The following EPHA7 variants were observed in gnomAD, a reference collection of about 807,000 sequenced individuals.
EPHA7 encodes EPH receptor A7.
Under a neutral mutation model 112.6 loss-of-function variants are expected in EPHA7, and 25 were observed. That is an observed-to-expected ratio of 0.22 (90% CI 0.16 to 0.31). The LOEUF (loss-of-function observed/expected upper bound fraction) is 0.31, where lower values mean the gene tolerates loss of function less well. Ranked by LOEUF, EPHA7 falls within the 10% of genes least tolerant of loss-of-function variation. The pLI is 1.00. For missense variants in EPHA7, 962 were observed against 1,212.6 expected, an observed-to-expected ratio of 0.79 and a Z score of 3.07; for synonymous variants, 437 against 406.5, an observed-to-expected ratio of 1.07 and a Z score of -0.90.
intron 3 of EPHA7, among the ~76,000 whole-genome samples, chr6:93,406,795 A>C (rs1778743477): frequency 6.6e-6 from 1 of 151,864 alleles, no homozygotes; most frequent in Admixed American, 6.6e-5. Flanking sequence ...AGTTACAAAA[A>C]TTGAAATATA....
At position 93,243,444 on chromosome 6, in the gene EPHA7, T is replaced by A; in HGVS notation, c.2979A>T (p.Gly993=). The change falls in exon 17 of 17, where the codon GGA becomes GGT. Residue 993 remains glycine, a synonymous_variant. Coordinates refer to ENST00000369303, the MANE Select transcript of EPHA7 (RefSeq NM_004440.4). ...ATGCATATCACACTTGAATGCCAGT[T>A]CCATGTAAATGTAGCATTTGTGCTC... The part of the protein sequence containing the change: ...TMRAQMLHLH[G]TGIQV 1 of 1,613,232 alleles carries A rather than the reference T, an allele frequency of 6.2e-7. No individual in the cohort carries two copies. The highest frequency in any genetic ancestry group is 8.5e-7 in the Non-Finnish European group (1 of 1,179,336).
chr6:93,409,855 A>T (rs1778890105), intron 3 of EPHA7: 1 of 151,488 alleles, frequency 6.6e-6, no homozygotes, highest in Non-Finnish European at 1.5e-5. Flanking sequence ...TAATAATTAA[A>T]ACTTTACTTT....
At chr6:93,366,696 G>C (rs142723671) in intron 3 of EPHA7, among the ~76,000 whole-genome samples, 2,387 of 152,158 alleles carry the variant, frequency 0.016, 31 homozygotes, top group South Asian at 0.03. Flanking sequence ...TCTGCCAACC[G>C]GTTTACCTCT....
rs145247136 is a variant in EPHA7 at position 93,356,958 on chromosome 6, G to C, written c.1083C>G (p.Asn361Lys). 1,034 of 1,614,084 alleles carry C rather than the reference G, an allele frequency of 6.4e-4. 1 individual carries two copies. The highest frequency in any genetic ancestry group is 1.3e-3 in the South Asian group (121 of 91,086). Reference protein sequence around the residue: ...WSPPADNGGRNDVTYRILCKR... With the variant: ...WSPPADNGGRKDVTYRILCKR... ...TACACAATATTCTGTAGGTCACATC[G>C]TTTCTTCCCCCATTGTCTGCAGGAG... Residue 361 changes from asparagine to lysine, a missense_variant, in exon 5 of 17, where the codon AAC (asparagine) becomes AAG (lysine). By Grantham distance (94) the Asn-to-Lys change is moderately conservative (BLOSUM62 0). Around this residue, in one of 3 missense-constraint regions of EPHA7, gnomAD observed 746 missense variants for 889.2 expected, o/e 0.84. Coordinates refer to ENST00000369303, the MANE Select transcript of EPHA7 (RefSeq NM_004440.4).
At chr6:93,298,309 C>CTT (rs1772780017) in intron 5 of EPHA7, among the ~76,000 whole-genome samples, 1 of 151,956 alleles carries the variant, frequency 6.6e-6, no homozygotes, top group Non-Finnish European at 1.5e-5. Context: ...TAAATTTTAA[C>CTT]ATAAAATTTA....
chr6:93,407,964 A>C (rs1270212156), intron 3 of EPHA7, among the ~76,000 whole-genome samples: 1 of 151,972 alleles, frequency 6.6e-6, no homozygotes, highest in Non-Finnish European at 1.5e-5. Flanking sequence ...TAGAAGCATA[A>C]AACTCAAACA....
At position 93,410,441 on chromosome 6, in the gene EPHA7, A is replaced by G. The variant is rs1778920030; in HGVS notation, c.832+60T>C. 6.9e-7 allele frequency: 1 copy of G among 1,451,972 alleles called. No individual in the cohort carries two copies. The highest frequency in any genetic ancestry group is 1.3e-5 in the South Asian group (1 of 77,146). 89.9% of individuals were successfully genotyped at this position (1,451,972 alleles called of 1,614,324 possible). A position where few individuals can be genotyped will look rare whatever the true frequency, so the allele number is the denominator to read the frequency against. ...TATTCAAATAACTATTAAAGTTTAA[A>G]ATGTCTGATACTGAAATTTAAAAAG... On this transcript the variant is annotated intron_variant, in intron 3 of 16. Coordinates refer to ENST00000369303, the MANE Select transcript of EPHA7 (RefSeq NM_004440.4). This position sits in a 1 kb window ranked among gnomAD's most constrained non-coding sequence, Gnocchi z 4.0.
At chr6:93,387,335 TC>T (rs943875928) in intron 3 of EPHA7, among the ~76,000 whole-genome samples, 8 of 152,230 alleles carry the variant, frequency 5.3e-5, no homozygotes, top group Admixed American at 3.9e-4. Flanking sequence ...CTCATCTCCA[TC>T]TGAGACCACC....
chr6:93,318,972 T>A (rs999426112), intron 5 of EPHA7, among the ~76,000 whole-genome samples: 3 of 152,130 alleles, frequency 2.0e-5, no homozygotes, highest in Non-Finnish European at 4.4e-5. Context: ...TGATATGCAT[T>A]CAATAATTTA....
chr6:93,308,196 T>G (rs2127859866), intron 5 of EPHA7, among the ~76,000 whole-genome samples: 1 of 152,298 alleles, frequency 6.6e-6, no homozygotes. Flanking sequence ...GCTTACATGA[T>G]AATTCAAACT....
At chr6:93,378,802 T>C (rs80009748) in intron 3 of EPHA7, among the ~76,000 whole-genome samples, 11,762 of 152,164 alleles carry the variant, frequency 0.077, 545 homozygotes, top group South Asian at 0.15. Flanking sequence ...CATTTCTGAA[T>C]CCATTTCTGT....
chr6:93,368,118 A>T (rs780542119), intron 3 of EPHA7, among the ~76,000 whole-genome samples: 18 of 152,172 alleles, frequency 1.2e-4, no homozygotes, highest in Non-Finnish European at 2.4e-4. Flanking sequence ...ACACTACATT[A>T]TCCTTTTGAC....
intron 5 of EPHA7, among the ~76,000 whole-genome samples, chr6:93,328,704 C>T (rs1774443422): frequency 6.6e-6 from 1 of 151,270 alleles, no homozygotes; most frequent in South Asian, 2.1e-4. Context: ...ACTATTCAAT[C>T]TGGGTAATAA....
rs371052750 is a variant in EPHA7, at chr6:93,405,783, A to ATGTGTG, written c.832+4712_832+4717dup. Among the ~76,000 whole-genome samples, 24 of 95,284 alleles carry ATGTGTG rather than the reference A, an allele frequency of 2.5e-4. 1 individual carries two copies. The East Asian group carries it at 2.6e-3, about 10-fold the overall frequency. The allele number at this position is 95,284 out of a possible 152,430, so 62.5% of individuals were successfully genotyped here. Reference sequence around the variant, plus strand: ...TGGTGTTTCTTATATTTCTGTATATATGTGTGTGTGTGTGTGTGTGTGTGT... The same window carrying ATGTGTG: ...TGGTGTTTCTTATATTTCTGTATATATGTGTGTGTGTGTGTGTGTGTGTGTGTGTGT... On this transcript the variant is annotated intron_variant, in intron 3 of 16. Coordinates refer to ENST00000369303, the MANE Select transcript of EPHA7 (RefSeq NM_004440.4).
chr6:93,404,632 T>C (rs998747804), intron 3 of EPHA7, among the ~76,000 whole-genome samples: 1 of 148,588 alleles, frequency 6.7e-6, no homozygotes, highest in Non-Finnish European at 1.5e-5. Context: ...TATATATATA[T>C]ATATACACAC....
chr6:93,384,653 C>A (rs898987004), intron 3 of EPHA7, among the ~76,000 whole-genome samples: 1 of 152,164 alleles, frequency 6.6e-6, no homozygotes, highest in South Asian at 2.1e-4. Context: ...CACAGGATCG[C>A]ACATTTGTCT....
chr6:93,343,012 T>TA (rs1775217530), intron 5 of EPHA7, among the ~76,000 whole-genome samples: 1 of 151,712 alleles, frequency 6.6e-6, no homozygotes, highest in South Asian at 2.1e-4. Context: ...GAAGAAATAA[T>TA]AATAACCTAA....
intron 3 of EPHA7, among the ~76,000 whole-genome samples, chr6:93,387,801 A>G (rs1777688819): frequency 6.6e-6 from 1 of 152,078 alleles, no homozygotes; most frequent in African/African-American, 2.4e-5. Context: ...CAAGAACAGC[A>G]TGGGGTAATC....
Position 93,419,407 on chromosome 6 carries a change from G to A in EPHA7, c.-66C>T. The A allele has an allele frequency of 1.5e-6, 2 of 1,333,192 alleles. No individual in the cohort carries two copies. The highest frequency in any genetic ancestry group is 2.4e-5 in the South Asian group (2 of 82,208). 82.6% of individuals were successfully genotyped at this position (1,333,192 alleles called of 1,614,324 possible). A position where few individuals can be genotyped will look rare whatever the true frequency, so the allele number is the denominator to read the frequency against. ...AGTCGTGGATTTTTAAATGCTGTTTGTTCCGAAGTAGCTTTTGTTTTATTG... is the reference window on the plus strand; with the variant it reads ...AGTCGTGGATTTTTAAATGCTGTTTATTCCGAAGTAGCTTTTGTTTTATTG... On this transcript the variant is annotated 5_prime_UTR_variant, in exon 1 of 17. Transcript: ENST00000369303.
Sources: allele counts gnomAD v4.1 joint callset (sites outside exome capture counted in the v4.1 genomes callset), GRCh38; gene constraint gnomAD v4.1.1; regional missense constraint gnomAD v4.1.1; non-coding constraint Gnocchi (gnomAD v3.1); transcripts MANE v1.5; gene names NCBI Gene and HGNC (gene_info 2026-07-23, HGNC 2026-07-21).